Variants in BICC1 observed in about 807,000 individuals in gnomAD.
BICC1 encodes protein bicaudal C homolog 1.
BICC1 carries 43 observed loss-of-function variants against 111.0 expected under a neutral mutation model. That is an observed-to-expected ratio of 0.39 (90% CI 0.30 to 0.50). BICC1 has a LOEUF of 0.50. Among genes scored for constraint, BICC1 ranks in the 20% least tolerant of loss-of-function variants. BICC1 has a pLI of 0.88. For missense variants in BICC1, 1,091 were observed against 1,203.2 expected (o/e 0.91, Z 1.38); for synonymous variants, 467 against 434.4 (o/e 1.07, Z -0.93).
chr10:58,804,587 A>G (rs1293031307), intron 15 of BICC1, among the ~76,000 whole-genome samples: 1 of 152,250 alleles, frequency 6.6e-6, no homozygotes, highest in Admixed American at 6.5e-5. Context: ...TTTTCAGTTA[A>G]TATGAATTAC....
intron 3 of BICC1, among the ~76,000 whole-genome samples, chr10:58,760,165 A>C (rs1227150072): frequency 1.3e-5 from 2 of 152,098 alleles, no homozygotes; most frequent in Non-Finnish European, 2.9e-5. Flanking sequence ...ATAGTGTTAA[A>C]AGGTGCCTGG....
chr10:58,682,481 C>A (rs549729792), intron 2 of BICC1, among the ~76,000 whole-genome samples: 14 of 152,316 alleles, frequency 9.2e-5, no homozygotes, highest in Admixed American at 1.3e-4. Flanking sequence ...TACATTCCCA[C>A]CAGCAGTGTA....
At chr10:58,653,894 A>C (rs1838537084) in intron 2 of BICC1, among the ~76,000 whole-genome samples, 1 of 144,552 alleles carries the variant, frequency 6.9e-6, no homozygotes, top group African/African-American at 2.6e-5. Context: ...ATGTGATCTC[A>C]TTGTTCAATT....
intron 3 of BICC1, among the ~76,000 whole-genome samples, chr10:58,752,400 G>T (rs957560864): frequency 6.6e-6 from 1 of 152,160 alleles, no homozygotes; most frequent in Non-Finnish European, 1.5e-5. Context: ...TGGCACAATT[G>T]CAAGATTTGG....
At chr10:58,615,798 C>A (rs1471184100) in intron 1 of BICC1, among the ~76,000 whole-genome samples, 1 of 152,184 alleles carries the variant, frequency 6.6e-6, no homozygotes, top group African/African-American at 2.4e-5. Flanking sequence ...GGCAGCTGTA[C>A]TGCTTAATGG....
intron 17 of BICC1, among the ~76,000 whole-genome samples, chr10:58,809,713 G>T (rs532464150): frequency 1.4e-4 from 22 of 152,130 alleles, no homozygotes; most frequent in Non-Finnish European, 2.9e-4. Context: ...GAATATCTTA[G>T]GGTATTATGT....
At chr10:58,752,061 A>G (rs1216488473) in intron 3 of BICC1, among the ~76,000 whole-genome samples, 3 of 152,196 alleles carry the variant, frequency 2.0e-5, no homozygotes, top group Non-Finnish European at 4.4e-5. Flanking sequence ...ATTTTTAGAC[A>G]TAAAATTGGA....
At chr10:58,620,822 A>C (rs1374330448) in intron 1 of BICC1, 33 bp from the exon 2 acceptor site, 1 of 1,601,270 alleles carries the variant, frequency 6.2e-7, no homozygotes, top group South Asian at 1.1e-5. Context: ...TACATTGAAA[A>C]AGTATTTTAA....
intron 3 of BICC1, among the ~76,000 whole-genome samples, chr10:58,740,708 G>C (rs1841632625): frequency 6.6e-6 from 1 of 152,166 alleles, no homozygotes; most frequent in African/African-American, 2.4e-5. Context: ...AAAACAAAGT[G>C]TCATGGGAGT....
chr10:58,785,973 A>G (rs11816862), intron 4 of BICC1, among the ~76,000 whole-genome samples: 71,483 of 151,972 alleles, frequency 0.47, 16,950 homozygotes, highest in Admixed American at 0.57. Flanking sequence ...TAATTATTAA[A>G]TAGTTTAGAA....
At chr10:58,550,378 TC>T (rs1398573045) in intron 1 of BICC1, among the ~76,000 whole-genome samples, 1 of 152,212 alleles carries the variant, frequency 6.6e-6, no homozygotes, top group Non-Finnish European at 1.5e-5. Flanking sequence ...TTTCTCCGAA[TC>T]TTTGGTTTGT....
At chr10:58,601,173 T>TATATATAA (rs752405472) in intron 1 of BICC1, among the ~76,000 whole-genome samples, 1,675 of 131,004 alleles carry the variant, frequency 0.013, 36 homozygotes, top group African/African-American at 0.035. Context: ...TATATATATC[T>TATATATAA]CCCAATAAAA....
At chr10:58,585,040 T>C (rs565555535) in intron 1 of BICC1, among the ~76,000 whole-genome samples, 37 of 152,352 alleles carry the variant, frequency 2.4e-4, no homozygotes, top group South Asian at 1.9e-3. Flanking sequence ...TTTACAATTA[T>C]ACCTGGCAAG....
intron 17 of BICC1, among the ~76,000 whole-genome samples, chr10:58,807,384 GTAAA>G (rs1056995071): frequency 3.7e-4 from 56 of 152,266 alleles, no homozygotes; most frequent in African/African-American, 1.1e-3. Flanking sequence ...TTAAAGAGAT[GTAAA>G]TTTGGATGTG....
chr10:58,750,481 C>CG (rs2132641527), intron 3 of BICC1, among the ~76,000 whole-genome samples: 1 of 152,182 alleles, frequency 6.6e-6, no homozygotes, highest in Non-Finnish European at 1.5e-5. Context: ...CATAAGAACT[C>CG]TAAGATTTGT....
At chr10:58,772,699 A>G (rs1278954355) in intron 3 of BICC1, among the ~76,000 whole-genome samples, 3 of 152,314 alleles carry the variant, frequency 2.0e-5, no homozygotes, top group East Asian at 1.9e-4. Context: ...GGATGCAGTT[A>G]TAGGCCGGTT....
chr10:58,549,171 G>A (rs1008171143), intron 1 of BICC1, among the ~76,000 whole-genome samples: 2 of 151,566 alleles, frequency 1.3e-5, no homozygotes, highest in African/African-American at 4.9e-5. Flanking sequence ...CCTATGAATA[G>A]TATTCTATTA....
intron 2 of BICC1, among the ~76,000 whole-genome samples, chr10:58,665,548 A>G (rs1020104778): frequency 1.3e-5 from 2 of 152,130 alleles, no homozygotes; most frequent in African/African-American, 4.8e-5. Flanking sequence ...CATGAATTCT[A>G]TCGCCAATAG....
intron 1 of BICC1, among the ~76,000 whole-genome samples, chr10:58,585,766 AATT>A (rs1164065562): frequency 6.6e-6 from 1 of 152,218 alleles, no homozygotes; most frequent in African/African-American, 2.4e-5. Context: ...ATTTCTTAAT[AATT>A]ATTAAGTTCA....
Sources: allele counts gnomAD v4.1 joint callset (sites outside exome capture counted in the v4.1 genomes callset), GRCh38; gene constraint gnomAD v4.1.1; transcripts MANE v1.5; gene names NCBI Gene and HGNC (gene_info 2026-07-23, HGNC 2026-07-21).